Variants in KIF21A observed in about 807,000 individuals in gnomAD.
KIF21A encodes the protein kinesin-like protein KIF21A.
Under a neutral mutation model 202.9 loss-of-function variants are expected in KIF21A, and 114 were observed. That is an observed-to-expected ratio of 0.56 (90% CI 0.48 to 0.66). KIF21A has a LOEUF of 0.66. KIF21A is among the 30% of genes least tolerant of loss of function. The probability of loss-of-function intolerance (pLI) is 0.00; values close to 1 mark genes in which losing one functional copy is unlikely to be tolerated. For missense variants in KIF21A, 1,677 were observed against 1,994.9 expected, an observed-to-expected ratio of 0.84 and a Z score of 3.04; for synonymous variants, 667 against 670.8, an observed-to-expected ratio of 0.99 and a Z score of 0.09.
In KIF21A at chr12:39,416,663, ATATATATGTACATATATATGTGTG is replaced by A. The variant is rs1566265872; in HGVS notation, c.44+26240_44+26263del. On this transcript the variant is annotated intron_variant, in intron 1 of 37. Coordinates refer to ENST00000361418, the MANE Select transcript of KIF21A (RefSeq NM_001173464.2). Reference sequence around the variant, plus strand: ...TATATATGTACATATATATGTGTATATATATATGTACATATATATGTGTGTATATATATATGTACATATATATGT... The same window carrying A: ...TATATATGTACATATATATGTGTATATATATATATATGTACATATATATGT... Among the ~76,000 whole-genome samples the A allele has an allele frequency of 8.6e-4, 115 of 133,482 alleles. 8 individuals carry two copies. Among genetic ancestry groups the A allele is most frequent in the African/African-American group, 3.6e-3 (110 of 30,760 alleles). The allele number at this position is 133,482 out of a possible 152,430, so 87.6% of individuals were successfully genotyped here.
At chr12:39,344,478 T>C (rs1440740297) in intron 12 of KIF21A, among the ~76,000 whole-genome samples, 1 of 152,186 alleles carries the variant, frequency 6.6e-6, no homozygotes, top group Non-Finnish European at 1.5e-5. Flanking sequence ...TCTCTGTTCT[T>C]GTATTACTTC....
intron 10 of KIF21A, among the ~76,000 whole-genome samples, chr12:39,352,581 C>T (rs1197881760): frequency 6.6e-6 from 1 of 152,116 alleles, no homozygotes; most frequent in African/African-American, 2.4e-5. Flanking sequence ...ATTATTTAAA[C>T]TTAAAAAATA....
intron 11 of KIF21A, among the ~76,000 whole-genome samples, chr12:39,347,254 G>T (rs1947980943): frequency 6.6e-6 from 1 of 151,130 alleles, no homozygotes; most frequent in African/African-American, 2.4e-5. Flanking sequence ...AAAGGGGGGT[G>T]GGGAGAAAAG....
At chr12:39,318,889 G>A (rs1944880622) in intron 28 of KIF21A, among the ~76,000 whole-genome samples, 1 of 152,090 alleles carries the variant, frequency 6.6e-6, no homozygotes, top group African/African-American at 2.4e-5. Flanking sequence ...ACTGAGGCAG[G>A]AGAATGGTGT....
chr12:39,358,856 A>T lies in KIF21A; in HGVS notation c.1020-483T>A, dbSNP rs17127062. ...GTATATTCTTGTGTTTCGTTATATA[A>T]ACTGTCATTTGTGACTGAATGATCA... On this transcript the variant is annotated intron_variant, in intron 7 of 37. Transcript: ENST00000361418. Among the ~76,000 whole-genome samples the T allele has an allele frequency of 2.9e-3, 441 of 152,294 alleles. 12 individuals carry two copies. The East Asian group carries it at 0.07, about 24-fold the overall frequency.
chr12:39,385,548 C>A (rs1950888336), intron 1 of KIF21A, among the ~76,000 whole-genome samples: 2 of 152,008 alleles, frequency 1.3e-5, no homozygotes, highest in African/African-American at 4.8e-5. Context: ...ATTTAAATAT[C>A]CTTAGTTTAA....
intron 1 of KIF21A, among the ~76,000 whole-genome samples, chr12:39,392,514 G>T (rs926976559): frequency 6.6e-6 from 1 of 152,056 alleles, no homozygotes; most frequent in Non-Finnish European, 1.5e-5. Flanking sequence ...TAATCCAGTG[G>T]TCATTCCTTT....
At chr12:39,372,830 A>G (rs1427524264) in intron 1 of KIF21A, among the ~76,000 whole-genome samples, 1 of 152,112 alleles carries the variant, frequency 6.6e-6, no homozygotes, top group Non-Finnish European at 1.5e-5. Context: ...AATCCTCTTT[A>G]GGAAAAACCA....
chr12:39,417,125 A>G (rs1592655019), intron 1 of KIF21A, among the ~76,000 whole-genome samples: 1 of 152,056 alleles, frequency 6.6e-6, no homozygotes, highest in East Asian at 1.9e-4. Flanking sequence ...ATAAGACATT[A>G]ATGAGAAAGA....
rs1592362425 is a variant in KIF21A at position 39,366,372 on chromosome 12, C to G, written c.881G>C (p.Gly294Ala). 1 of 1,613,974 alleles carries G rather than the reference C, an allele frequency of 6.2e-7. No individual in the cohort carries two copies. The highest frequency in any genetic ancestry group is 2.2e-5 in the East Asian group (1 of 44,856). ...TGATGERAKE[G>A]ISINCGLLAL... ...TACAAGTCCACAGTTGATAGAAATG[C>G]CTTCTTTTGCCCTCTCGCCTGTAGC... Residue 294 changes from glycine (G) to alanine (A), a missense_variant, in exon 6 of 38, where the codon GGC (glycine) becomes GCC (alanine). This residue lies in a region of KIF21A where 966 missense variants were observed against 1,180.9 expected (regional missense o/e 0.82). Transcript: ENST00000361418.
chr12:39,402,829 A>G (rs1458211489), intron 1 of KIF21A, among the ~76,000 whole-genome samples: 1 of 152,140 alleles, frequency 6.6e-6, no homozygotes, highest in Admixed American at 6.5e-5. Context: ...TCTTCTTCCA[A>G]TGTGACCCAG....
At chr12:39,318,762 A>AT (rs1420161117) in intron 28 of KIF21A, among the ~76,000 whole-genome samples, 1 of 152,142 alleles carries the variant, frequency 6.6e-6, no homozygotes, top group Non-Finnish European at 1.5e-5. Context: ...CGGGCGGATC[A>AT]TGAGGTCAGA....
intron 1 of KIF21A, among the ~76,000 whole-genome samples, chr12:39,436,433 T>G (rs1308018589): frequency 8.5e-6 from 1 of 117,868 alleles, no homozygotes; most frequent in African/African-American, 4.1e-5. Flanking sequence ...TATATATATA[T>G]ATATATATAT....
chr12:39,341,003 C>A lies in KIF21A; in HGVS notation c.2013G>T (p.Leu671=), dbSNP rs1565862688. Residue 671 remains leucine (L), a synonymous_variant, in exon 15 of 38, where the codon CTG becomes CTT. Coordinates refer to ENST00000361418, the MANE Select transcript of KIF21A (RefSeq NM_001173464.2). ...IDELENSQKR[L]QTLKKQYEEK... ...CTTCATACTGCTTTTTCAGAGTCTG[C>A]AGTCTTTTCTGGCTGTTTTCTAGTT... 2 of 1,612,892 alleles carry A rather than the reference C, an allele frequency of 1.2e-6. No homozygotes were observed. The highest frequency in any genetic ancestry group is 1.7e-6 in the Non-Finnish European group (2 of 1,179,246).
At chr12:39,424,707 T>C (rs1344032580) in intron 1 of KIF21A, among the ~76,000 whole-genome samples, 1 of 152,176 alleles carries the variant, frequency 6.6e-6, no homozygotes, top group Non-Finnish European at 1.5e-5. Context: ...AAATCTACGT[T>C]TCACCATTTG....
chr12:39,368,499 T>C (rs779001346), intron 3 of KIF21A, among the ~76,000 whole-genome samples: 20 of 152,180 alleles, frequency 1.3e-4, no homozygotes, highest in Non-Finnish European at 2.5e-4. Context: ...AATATTAGTG[T>C]TCCTGTATCA....
chr12:39,322,756 T>C lies in KIF21A; in HGVS notation c.3583A>G (p.Ile1195Val), dbSNP rs1945418877. Residue 1195 changes from isoleucine (I) to valine (V), a missense_variant, in exon 27 of 38, where the codon ATT (isoleucine) becomes GTT (valine). By Grantham distance (29) the Ile-to-Val change is conservative. Coordinates refer to ENST00000361418, the MANE Select transcript of KIF21A (RefSeq NM_001173464.2). ...CCACTTGTCTCTGTATTCATTCCAA[T>C]CTCTTGCCCTTCTGCAACAGGTGTG... Reference protein sequence around the residue: ...PLTPVAEGQEIGMNTETSGTS... With the variant: ...PLTPVAEGQEVGMNTETSGTS... 7 of 1,614,154 alleles carry C rather than the reference T, an allele frequency of 4.3e-6. No homozygotes were observed. The highest frequency in any genetic ancestry group is 5.9e-6 in the Non-Finnish European group (7 of 1,180,010).
At chr12:39,341,914 G>A (rs1298752092) in intron 13 of KIF21A, 120 bp downstream of exon 13, 1 of 754,534 alleles carries the variant, frequency 1.3e-6, no homozygotes, top group East Asian at 2.7e-5. Context: ...CAAAGAAATA[G>A]ATTAAACAGA....
At chr12:39,368,537 C>T (rs1301258051) in intron 3 of KIF21A, among the ~76,000 whole-genome samples, 2 of 152,038 alleles carry the variant, frequency 1.3e-5, no homozygotes, top group Non-Finnish European at 2.9e-5. Flanking sequence ...CCAGATACCT[C>T]CTTAGAAGAG....
Sources: allele counts gnomAD v4.1 joint callset (sites outside exome capture counted in the v4.1 genomes callset), GRCh38; gene constraint gnomAD v4.1.1; regional missense constraint gnomAD v4.1.1; transcripts MANE v1.5; gene names NCBI Gene and HGNC (gene_info 2026-07-23, HGNC 2026-07-21).